The following OR2L13 variants were observed in gnomAD, a reference collection of about 807,000 sequenced individuals.
OR2L13 encodes olfactory receptor 2L13.
A neutral mutation model predicts 15.3 loss-of-function variants in OR2L13; 14 were observed. That is an observed-to-expected ratio of 0.91 (90% CI 0.60 to 1.43). The LOEUF is 1.43. OR2L13 is among the 40% of genes most tolerant of loss of function. OR2L13 has a pLI of 0.00. For synonymous variants in OR2L13, 152 were observed against 142.9 expected (o/e 1.06, Z -0.45); for missense variants, 367 against 387.9 (o/e 0.95, Z 0.45).
the OR2L13 span, among the ~76,000 whole-genome samples, chr1:248,078,030 C>A: frequency 6.6e-6 from 1 of 152,096 alleles, no homozygotes; most frequent in African/African-American, 2.4e-5. Flanking sequence ...GCAAAACAAA[C>A]AAAAATACTA....
the OR2L13 span, among the ~76,000 whole-genome samples, chr1:247,996,421 T>G: frequency 4.4e-3 from 665 of 152,322 alleles, 4 homozygotes; most frequent in African/African-American, 0.014. Flanking sequence ...AACACAGACA[T>G]CTAAAAATGT....
At chr1:247,944,973 A>AT in the OR2L13 span, among the ~76,000 whole-genome samples, 2 of 151,244 alleles carry the variant, frequency 1.3e-5, no homozygotes, top group African/African-American at 4.9e-5. Flanking sequence ...GGATTCATTA[A>AT]TTTTTTGAAG....
the OR2L13 span, chr1:247,997,154 A>G: frequency 6.6e-6 from 1 of 152,202 alleles, no homozygotes; most frequent in African/African-American, 2.4e-5. Flanking sequence ...TAATTTATCT[A>G]TTAAATCCAT....
At chr1:248,003,846 C>T in the OR2L13 span, 1 of 1,612,982 alleles carries the variant, frequency 6.2e-7, no homozygotes, top group Non-Finnish European at 8.5e-7. Flanking sequence ...GCCTACCTGA[C>T]CTGCAGCACC....
the OR2L13 span, among the ~76,000 whole-genome samples, chr1:248,042,559 C>T: frequency 1.3e-5 from 2 of 149,734 alleles, no homozygotes; most frequent in African/African-American, 5.0e-5. Flanking sequence ...AAAACAAAAA[C>T]AAACAAGCAA....
chr1:248,055,350 T>C, the OR2L13 span, among the ~76,000 whole-genome samples: 7 of 152,200 alleles, frequency 4.6e-5, no homozygotes, highest in Non-Finnish European at 2.9e-5. Context: ...CAGTATTATA[T>C]TGAGTATGTT....
chr1:247,948,777 GC>G, the OR2L13 span: 1 of 1,156,470 alleles, frequency 8.6e-7, no homozygotes. Context: ...GGCTTGGAAT[GC>G]ATCCCCTGCA....
At chr1:248,009,529 T>A in the OR2L13 span, among the ~76,000 whole-genome samples, 1 of 152,066 alleles carries the variant, frequency 6.6e-6, no homozygotes, top group Admixed American at 6.6e-5. Context: ...AGGCAGTAAT[T>A]AATAGCCTTA....
the OR2L13 span, chr1:247,939,032 G>A: frequency 6.6e-6 from 1 of 152,290 alleles, no homozygotes; most frequent in East Asian, 1.9e-4. Context: ...TATGCTATAA[G>A]TAAAGGATGC....
upstream of OR2L13, among the ~76,000 whole-genome samples, chr1:248,094,134 G>T (rs1460672863): frequency 6.6e-6 from 1 of 151,952 alleles, no homozygotes; most frequent in Admixed American, 6.6e-5. Flanking sequence ...ACCCTTATTT[G>T]CTCATTACAC....
the OR2L13 span, among the ~76,000 whole-genome samples, chr1:248,010,772 T>TG: frequency 2.9e-5 from 4 of 135,772 alleles, no homozygotes; most frequent in Non-Finnish European, 6.3e-5. Context: ...TGTTTTTTTT[T>TG]TTTTTTTTTT....
the OR2L13 span, among the ~76,000 whole-genome samples, chr1:248,036,800 T>G: frequency 4.6e-5 from 7 of 152,204 alleles, no homozygotes; most frequent in African/African-American, 1.7e-4. Context: ...AAATCCTGTC[T>G]TTTGAAGATG....
the OR2L13 span, among the ~76,000 whole-genome samples, chr1:248,071,929 A>T: frequency 6.6e-6 from 1 of 151,738 alleles, no homozygotes. Flanking sequence ...AGGGATGTGA[A>T]GGACCTCTTC....
At chr1:248,085,489 C>T in the OR2L13 span, among the ~76,000 whole-genome samples, 1 of 86,892 alleles carries the variant, frequency 1.2e-5, no homozygotes, top group African/African-American at 3.7e-5. Flanking sequence ...AAAAAAATCA[C>T]TACTGTCTAG....
the OR2L13 span, among the ~76,000 whole-genome samples, chr1:248,012,421 G>A: frequency 1.3e-5 from 2 of 152,086 alleles, no homozygotes; most frequent in Non-Finnish European, 2.9e-5. Flanking sequence ...ATCCCAGTGG[G>A]CAGTCTTGAG....
At chr1:247,965,717 T>C in the OR2L13 span, 1 of 1,555,862 alleles carries the variant, frequency 6.4e-7, no homozygotes, top group Non-Finnish European at 8.7e-7. Context: ...GAAGCCCTTC[T>C]CCTTGGTTTT....
the OR2L13 span, among the ~76,000 whole-genome samples, chr1:248,085,436 T>TAAAATAAAATAAAAAATAATAA: frequency 2.4e-5 from 2 of 84,552 alleles, 1 homozygote; most frequent in African/African-American, 9.0e-5. Flanking sequence ...TAAAATAAAA[T>TAAAATAAAATAAAAAATAATAA]AATAAAATAA....
the OR2L13 span, among the ~76,000 whole-genome samples, chr1:248,085,946 G>A: frequency 6.6e-6 from 1 of 152,098 alleles, no homozygotes; most frequent in African/African-American, 2.4e-5. Flanking sequence ...GGTAATGCTT[G>A]TTCACCTGCT....
chr1:248,008,004 G>A, the OR2L13 span, among the ~76,000 whole-genome samples: 1 of 152,122 alleles, frequency 6.6e-6, no homozygotes, highest in Non-Finnish European at 1.5e-5. Flanking sequence ...GAAAACATTG[G>A]AGAAATTTTG....
Sources: gnomAD v4.1 joint callset for allele counts (sites outside exome capture counted in the v4.1 genomes callset) on GRCh38, gnomAD v4.1.1 for gene constraint, MANE v1.5 for transcripts, NCBI Gene and HGNC (gene_info 2026-07-23, HGNC 2026-07-21) for gene names.